LCN12: variants seen among roughly 807,000 people sequenced by gnomAD.
The protein encoded by LCN12 is lipocalin 12, also known as epididymal-specific lipocalin-12.
Under a neutral mutation model 23.7 loss-of-function variants are expected in LCN12, and 15 were observed. The observed-to-expected ratio is 0.63, with a 90% CI of 0.42 to 0.97. The LOEUF is 0.97. LCN12 is among the 50% of genes least tolerant of loss of function. The pLI is 0.00. For synonymous variants in LCN12, 116 were observed against 111.5 expected (o/e 1.04, Z -0.25); for missense variants, 219 against 249.6 (o/e 0.88, Z 0.83).
downstream of LCN12, among the ~76,000 whole-genome samples, chr9:136,955,744 CT>C (rs1042237074): frequency 6.6e-6 from 1 of 152,264 alleles, no homozygotes; most frequent in African/African-American, 2.4e-5. Context: ...ATCCCTGCCC[CT>C]TGGGCCCTTG....
At chr9:136,952,711 C>T (rs1588473021) in intron 1 of LCN12, 181 bp from the exon 2 acceptor site, 4 of 709,316 alleles carry the variant, frequency 5.6e-6, no homozygotes, top group East Asian at 2.7e-5. Flanking sequence ...GCCAGGGTCA[C>T]CATGTCCCTG....
chr9:136,953,144 T>C lies in LCN12; in HGVS notation c.251+116T>C. ...GTCCCAGCACAGGCAGCTTCATGAC[T>C]CTGCCTGCCAATGACCAAACCCAGC... On this transcript the variant is annotated intron_variant, in intron 2 of 5. Coordinates refer to ENST00000371633, the MANE Select transcript of LCN12 (RefSeq NM_178536.4). 2.8e-6 allele frequency: 4 copies of C among 1,406,766 alleles called. No individual in the cohort carries two copies. The South Asian group carries it at 5.1e-5, about 18-fold the overall frequency. 87.1% of individuals were successfully genotyped at this position (1,406,766 alleles called of 1,614,324 possible). A position where few individuals can be genotyped will look rare whatever the true frequency, so the allele number is the denominator to read the frequency against.
upstream of LCN12, among the ~76,000 whole-genome samples, chr9:136,949,310 G>A (rs1440243386): frequency 2.0e-5 from 3 of 152,236 alleles, no homozygotes; most frequent in Non-Finnish European, 2.9e-5. Context: ...GCGGGGTCAG[G>A]AGTCCAGGAC....
At chr9:136,953,204 G>A (rs900374223) in intron 2 of LCN12, 176 bp downstream of exon 2, 10 of 814,258 alleles carry the variant, frequency 1.2e-5, no homozygotes, top group African/African-American at 8.6e-5. Context: ...GCAGCTGGGC[G>A]CGCTGGCTCA....
intron 1 of LCN12, 197 bp from the exon 2 acceptor site, chr9:136,952,695 C>A: frequency 3.0e-6 from 2 of 663,814 alleles, no homozygotes; most frequent in Non-Finnish European, 5.1e-6. Context: ...GGCCGCACAG[C>A]CACTGGCCAG....
At chr9:136,950,124 G>C (rs1164715864), upstream of LCN12, among the ~76,000 whole-genome samples, 2 of 152,232 alleles carry the variant, frequency 1.3e-5, no homozygotes, top group East Asian at 3.8e-4. Context: ...GCAGGGCCCT[G>C]ATTGGGCGGC....
upstream of LCN12, among the ~76,000 whole-genome samples, chr9:136,951,050 A>G (rs1362593586): frequency 7.1e-6 from 1 of 141,128 alleles, no homozygotes; most frequent in African/African-American, 2.5e-5. Context: ...CTCACAGGCC[A>G]GGCACACGGT....
In LCN12 at chr9:136,954,172, C is replaced by T. The variant is rs1308385072; in HGVS notation, c.467C>T (p.Pro156Leu). 6.4e-7 allele frequency: 1 copy of T among 1,564,196 alleles called. No individual in the cohort carries two copies. The highest frequency in any genetic ancestry group is 8.7e-7 in the Non-Finnish European group (1 of 1,153,506). Residue 156 changes from proline to leucine, a missense_variant, in exon 5 of 6, where the codon CCT becomes CTT. By Grantham distance (98) the Pro-to-Leu change is moderately conservative. Transcript: ENST00000371633. ...ISLLGRSWLL[P>L]PGTLDQFICL... ...GCTGCAGGCAGGAGCTGGTTGCTGC[C>T]TCCCGGGACGCTGGACCAGTTCATC... is the stretch of plus-strand genomic sequence containing the variant.
In LCN12 at chr9:136,952,380, A is replaced by G. The variant is rs764053003; in HGVS notation, c.53A>G (p.Gln18Arg). ...TGGCTCTCCTTGCTGAAAGTCCTGC[A>G]GGCCCAGACCCCAACCCCCCTGCCA... ...WLWLSLLKVL[Q>R]AQTPTPLPLP... The change falls in exon 1 of 6, where the codon CAG becomes CGG. Residue 18 changes from glutamine to arginine, a missense_variant. Gln to Arg is a conservative substitution (Grantham distance 43, BLOSUM62 1). Transcript: ENST00000371633. 6.2e-7 allele frequency: 1 copy of G among 1,612,264 alleles called. No homozygotes were observed. Among genetic ancestry groups the G allele is most frequent in the South Asian group, 1.1e-5 (1 of 90,910 alleles).
At chr9:136,950,034 G>A (rs1423118007), upstream of LCN12, among the ~76,000 whole-genome samples, 1 of 142,500 alleles carries the variant, frequency 7.0e-6, no homozygotes, top group African/African-American at 2.5e-5. Flanking sequence ...GGACTCCCCC[G>A]GGAGCCCCGC....
intron 5 of LCN12, chr9:136,954,676 T>G (rs1375951936): frequency 6.3e-6 from 8 of 1,270,938 alleles, no homozygotes; most frequent in Middle Eastern, 2.1e-4. Flanking sequence ...CTGGGCCACC[T>G]CCTCCCCTCA....
rs1564447433 is a variant in LCN12, at chr9:136,953,680, C to T, written c.252-20C>T. On this transcript the variant is annotated intron_variant, in intron 2 of 5. Transcript: ENST00000371633. ...TGCCAGCTTCCGGAGCCTTCCGCCTCCACCTGTCCCCTCCTACAGAGGCCA... is the reference window on the plus strand; with the variant it reads ...TGCCAGCTTCCGGAGCCTTCCGCCTTCACCTGTCCCCTCCTACAGAGGCCA... 10 of 1,549,114 alleles carry T rather than the reference C, an allele frequency of 6.5e-6. No individual in the cohort carries two copies. The highest frequency in any genetic ancestry group is 2.3e-5 in the East Asian group (1 of 43,554).
Position 136,952,447 on chromosome 9 carries a change from G to A in LCN12, c.114+6G>A. 1 of 1,597,764 alleles carries A rather than the reference G, an allele frequency of 6.3e-7. No individual in the cohort carries two copies. The highest frequency in any genetic ancestry group is 1.7e-5 in the Admixed American group (1 of 59,876). ...AGAGCTTCCAAGGAAACCAGGTACA[G>A]GGGTTTTGACGGAAGGAGAAGCAGC... is the stretch of plus-strand genomic sequence containing the variant. On this transcript the variant is annotated splice_donor_region_variant and intron_variant, in intron 1 of 5. Coordinates refer to ENST00000371633, the MANE Select transcript of LCN12 (RefSeq NM_178536.4).
At position 136,952,889 on chromosome 9, in the gene LCN12, T is replaced by C. The variant is rs188351382; in HGVS notation, c.115-3T>C. 3.9e-4 allele frequency: 615 copies of C among 1,572,660 alleles called. 3 individuals carry two copies. In the African/African-American group the frequency reaches 7.3e-3, roughly 19 times the overall value. On this transcript the variant is annotated splice_region_variant and splice_polypyrimidine_tract_variant and intron_variant, in intron 1 of 5. Coordinates refer to ENST00000371633, the MANE Select transcript of LCN12 (RefSeq NM_178536.4). ...CCGCCCCTGCCCACCACCGCCTCTGTAGTTCCAGGGGGAATGGTTCGTCCT... is the reference window on the plus strand; with the variant it reads ...CCGCCCCTGCCCACCACCGCCTCTGCAGTTCCAGGGGGAATGGTTCGTCCT...
At chr9:136,955,798 AG>A (rs1395048902), downstream of LCN12, among the ~76,000 whole-genome samples, 1 of 152,208 alleles carries the variant, frequency 6.6e-6, no homozygotes, top group African/African-American at 2.4e-5. Context: ...CACCCTGGTC[AG>A]CACTCGGGGC....
Position 136,952,345 on chromosome 9 carries a change from CCTGTGG to C in LCN12, c.27_32del (p.Trp10_Leu11del). 6.2e-7 allele frequency: 1 copy of C among 1,610,952 alleles called. No individual in the cohort carries two copies. The highest frequency in any genetic ancestry group is 8.5e-7 in the Non-Finnish European group (1 of 1,178,856). ...CTGCCAGGATGAGGCTGCTGTGTGGCCTGTGGCTGTGGCTCTCCTTGCTGAAAGTCC... is the reference window on the plus strand; with the variant it reads ...CTGCCAGGATGAGGCTGCTGTGTGGCCTGTGGCTCTCCTTGCTGAAAGTCC... On this transcript the variant is annotated inframe_deletion, in exon 1 of 6. Transcript: ENST00000371633.
chr9:136,950,211 A>T (rs1001110918), upstream of LCN12, among the ~76,000 whole-genome samples: 1 of 151,934 alleles, frequency 6.6e-6, no homozygotes, highest in Admixed American at 6.6e-5. Flanking sequence ...CGGTGGGGGG[A>T]GGAGGCGCGC....
chr9:136,955,531 G>C, downstream of LCN12: 1 of 1,003,176 alleles, frequency 1.0e-6, no homozygotes, highest in East Asian at 2.7e-5. Flanking sequence ...CCTTGGGTTG[G>C]GCAAAGAGAC....
rs1215236750 is a variant in LCN12 at position 136,955,369 on chromosome 9, A to G, written c.551-2A>G. On this transcript the variant is annotated splice_acceptor_variant, in intron 5 of 5. Coordinates refer to ENST00000371633, the MANE Select transcript of LCN12 (RefSeq NM_178536.4). LOFTEE classifies it high-confidence loss of function. ...CCATCCCGACTCCATCTCCCCCACCAGGCTGGTCACCCCAGGCCAGCGTCT... is the reference window on the plus strand; with the variant it reads ...CCATCCCGACTCCATCTCCCCCACCGGGCTGGTCACCCCAGGCCAGCGTCT... The G allele has an allele frequency of 1.9e-6, 3 of 1,612,178 alleles. No individual in the cohort carries two copies. Among genetic ancestry groups the G allele is most frequent in the African/African-American group, 2.7e-5 (2 of 74,684 alleles).
Sources: gnomAD v4.1 joint callset for allele counts (sites outside exome capture counted in the v4.1 genomes callset) on GRCh38, gnomAD v4.1.1 for gene constraint, MANE v1.5 for transcripts, NCBI Gene and HGNC (gene_info 2026-07-23, HGNC 2026-07-21) for gene names.